The following DYNC1I1 variants were observed in gnomAD, a reference collection of about 807,000 sequenced individuals.
DYNC1I1 encodes the protein dynein cytoplasmic 1 intermediate chain 1, also known as cytoplasmic dynein 1 intermediate chain 1.
A neutral mutation model predicts 86.6 loss-of-function variants in DYNC1I1; 43 were observed. That is an observed-to-expected ratio of 0.50 (90% CI 0.39 to 0.64). The LOEUF (loss-of-function observed/expected upper bound fraction) is 0.64. Among genes scored for constraint, DYNC1I1 ranks in the 30% least tolerant of loss-of-function variants. The probability of loss-of-function intolerance (pLI) is 0.00; values close to 1 mark genes in which losing one functional copy is unlikely to be tolerated. For synonymous variants in DYNC1I1, 262 were observed against 283.7 expected (o/e 0.92, Z 0.77); for missense variants, 604 against 788.8 (o/e 0.77, Z 2.81).
At chr7:96,109,659 G>C (rs1323047084) in intron 16 of DYNC1I1, among the ~76,000 whole-genome samples, 1 of 152,176 alleles carries the variant, frequency 6.6e-6, no homozygotes, top group African/African-American at 2.4e-5. Flanking sequence ...TTGTATAGAA[G>C]TATATGGTTT....
At chr7:96,016,932 T>A (rs1247346251) in intron 10 of DYNC1I1, among the ~76,000 whole-genome samples, 1 of 152,192 alleles carries the variant, frequency 6.6e-6, no homozygotes, top group Admixed American at 6.6e-5. Flanking sequence ...CTGACTCCCT[T>A]AGTGTCACTT....
intron 16 of DYNC1I1, 57 bp downstream of exon 16, chr7:96,080,545 C>T: frequency 6.2e-7 from 1 of 1,613,742 alleles, no homozygotes; most frequent in Non-Finnish European, 8.5e-7. Flanking sequence ...ACTTTAGAAA[C>T]CTAGTGAAAT....
chr7:95,808,362 C>T (rs535063357), intron 2 of DYNC1I1, among the ~76,000 whole-genome samples: 19 of 152,000 alleles, frequency 1.3e-4, no homozygotes, highest in Non-Finnish European at 2.5e-4. Context: ...TTAGGACCAC[C>T]CAAGTTGATT....
At chr7:95,946,630 G>T (rs1226888210) in intron 6 of DYNC1I1, among the ~76,000 whole-genome samples, 1 of 152,148 alleles carries the variant, frequency 6.6e-6, no homozygotes, top group Non-Finnish European at 1.5e-5. Flanking sequence ...ATAAATTTGG[G>T]TGGAACAGAG....
In DYNC1I1 at chr7:95,785,775, GTATATATATATATATATATA is replaced by G. The variant is rs200152096; in HGVS notation, c.-10+13026_-10+13045del. Reference sequence around the variant, plus strand: ...TGTATGTATATATATGTGTGTATGTGTATATATATATATATATATATATATATATATATATATATATATTA... The same window carrying G: ...TGTATGTATATATATGTGTGTATGTGTATATATATATATATATATATATTA... On this transcript the variant is annotated intron_variant, in intron 1 of 16. Coordinates refer to ENST00000447467, the MANE Select transcript of DYNC1I1 (RefSeq NM_001135556.2). Among the ~76,000 whole-genome samples, 1,222 of 124,892 alleles carry G rather than the reference GTATATATATATATATATATA, an allele frequency of 9.8e-3. 26 individuals carry two copies. Among genetic ancestry groups the G allele is most frequent in the African/African-American group, 0.032 (1,152 of 36,540 alleles). The allele number at this position is 124,892 out of a possible 152,430, so 81.9% of individuals were successfully genotyped here. A position where few individuals can be genotyped will look rare whatever the true frequency, so the allele number is the denominator to read the frequency against.
At chr7:95,968,824 C>CTGTGTGTGTGTGTGTGTGTGTG (rs56022930) in intron 6 of DYNC1I1, among the ~76,000 whole-genome samples, 1 of 94,356 alleles carries the variant, frequency 1.1e-5, no homozygotes, top group Non-Finnish European at 2.4e-5. Context: ...ATTTTTTGCT[C>CTGTGTGTGTGTGTGTGTGTGTG]TGTGTGTGTG....
intron 5 of DYNC1I1, among the ~76,000 whole-genome samples, chr7:95,857,504 T>C (rs957424327): frequency 1.1e-4 from 16 of 152,180 alleles, no homozygotes; most frequent in African/African-American, 3.9e-4. Context: ...CATGACTTCT[T>C]ATTGTTCCTG....
chr7:96,014,188 A>AGGC (rs1293762932), intron 10 of DYNC1I1, among the ~76,000 whole-genome samples: 4 of 152,226 alleles, frequency 2.6e-5, no homozygotes, highest in Non-Finnish European at 4.4e-5. Context: ...TACAGCCATT[A>AGGC]AAGAAAGGGA....
At chr7:95,948,220 G>A (rs1210317315) in intron 6 of DYNC1I1, among the ~76,000 whole-genome samples, 2 of 152,096 alleles carry the variant, frequency 1.3e-5, no homozygotes, top group African/African-American at 2.4e-5. Context: ...GAGCAGGATG[G>A]CCTTAGCTGA....
intron 10 of DYNC1I1, among the ~76,000 whole-genome samples, chr7:96,013,080 A>G (rs1397221445): frequency 2.6e-5 from 4 of 151,878 alleles, no homozygotes; most frequent in African/African-American, 9.7e-5. Context: ...TGAAATGGGG[A>G]GGTTATCCTG....
At chr7:95,899,857 A>G (rs991211641) in intron 6 of DYNC1I1, among the ~76,000 whole-genome samples, 4 of 152,136 alleles carry the variant, frequency 2.6e-5, no homozygotes, top group Admixed American at 6.5e-5. Flanking sequence ...AACTTCTACC[A>G]TTGTTATCTG....
intron 6 of DYNC1I1, among the ~76,000 whole-genome samples, chr7:95,956,359 A>G (rs1268852963): frequency 1.3e-5 from 2 of 150,834 alleles, no homozygotes; most frequent in East Asian, 3.9e-4. Context: ...CAGGTGCTCA[A>G]TAAGACCCTT....
chr7:95,857,642 T>C (rs1236882844), intron 5 of DYNC1I1, among the ~76,000 whole-genome samples: 1 of 152,246 alleles, frequency 6.6e-6, no homozygotes, highest in Non-Finnish European at 1.5e-5. Flanking sequence ...TGTCCTTGAA[T>C]GCCTTGAAAT....
intron 6 of DYNC1I1, among the ~76,000 whole-genome samples, chr7:95,873,497 A>G (rs537940373): frequency 1.7e-4 from 26 of 152,338 alleles, no homozygotes; most frequent in Admixed American, 1.5e-3. Flanking sequence ...AGGTATTCAC[A>G]TATACTTTGG....
chr7:96,077,839 C>G (rs1488705403), intron 15 of DYNC1I1, among the ~76,000 whole-genome samples: 1 of 152,114 alleles, frequency 6.6e-6, no homozygotes, highest in Non-Finnish European at 1.5e-5. Context: ...AATGTCTCAA[C>G]ATTGATAAAT....
At chr7:95,965,273 C>T (rs565241933) in intron 6 of DYNC1I1, among the ~76,000 whole-genome samples, 6 of 152,294 alleles carry the variant, frequency 3.9e-5, no homozygotes, top group African/African-American at 9.6e-5. Context: ...TTCCACTGGA[C>T]GTGCTTACTT....
chr7:96,107,375 T>TATAA (rs1791232600), intron 16 of DYNC1I1, among the ~76,000 whole-genome samples: 2 of 152,016 alleles, frequency 1.3e-5, no homozygotes, highest in African/African-American at 2.4e-5. Flanking sequence ...AGAGACATAC[T>TATAA]TATTAGGTTA....
At chr7:95,959,795 T>C (rs1015782180) in intron 6 of DYNC1I1, among the ~76,000 whole-genome samples, 5 of 152,188 alleles carry the variant, frequency 3.3e-5, no homozygotes, top group African/African-American at 1.2e-4. Flanking sequence ...ATTATAAGAA[T>C]TCAATGAGAG....
intron 6 of DYNC1I1, among the ~76,000 whole-genome samples, chr7:95,916,173 G>C (rs1791462884): frequency 6.6e-6 from 1 of 152,048 alleles, no homozygotes; most frequent in Admixed American, 6.5e-5. Flanking sequence ...AGCCACAGAT[G>C]GAAATATTTC....
Sources: gnomAD v4.1 joint callset for allele counts (sites outside exome capture counted in the v4.1 genomes callset) on GRCh38, gnomAD v4.1.1 for gene constraint, MANE v1.5 for transcripts, NCBI Gene and HGNC (gene_info 2026-07-23, HGNC 2026-07-21) for gene names.